SLC4A4: variants seen among roughly 807,000 people sequenced by gnomAD.
SLC4A4 encodes electrogenic sodium bicarbonate cotransporter 1.
A neutral mutation model predicts 111.5 loss-of-function variants in SLC4A4; 27 were observed. That is an observed-to-expected ratio of 0.24 (90% CI 0.18 to 0.33). The LOEUF is 0.33. SLC4A4 is among the 10% of genes least tolerant of loss of function. The pLI is 1.00. For synonymous variants in SLC4A4, 443 were observed against 463.4 expected, an observed-to-expected ratio of 0.96 and a Z score of 0.57; for missense variants, 909 against 1,315.5, an observed-to-expected ratio of 0.69 and a Z score of 4.78.
chr4:71,306,026 T>C (rs1227567100), intron 3 of SLC4A4, among the ~76,000 whole-genome samples: 3 of 152,218 alleles, frequency 2.0e-5, no homozygotes, highest in Admixed American at 2.0e-4. Flanking sequence ...CAGTAGTGAA[T>C]TGGATACTGA....
intron 4 of SLC4A4, among the ~76,000 whole-genome samples, chr4:71,340,053 CAA>C (rs752438072): frequency 8.2e-6 from 1 of 121,706 alleles, no homozygotes; most frequent in African/African-American, 3.1e-5. Flanking sequence ...CCCATCTCTA[CAA>C]AAAAAAAAAG....
chr4:71,468,739 A>G (rs1227570877), intron 13 of SLC4A4, among the ~76,000 whole-genome samples: 2 of 151,438 alleles, frequency 1.3e-5, no homozygotes, highest in South Asian at 2.1e-4. Context: ...CTCCATGAAA[A>G]AAAAAAACCT....
chr4:71,208,444 AT>A (rs1292007612), intron 1 of SLC4A4, among the ~76,000 whole-genome samples: 17 of 117,070 alleles, frequency 1.5e-4, no homozygotes, highest in East Asian at 5.3e-4. Flanking sequence ...AAAAAAAAAA[AT>A]ATATATATAT....
At chr4:71,120,885 C>T (rs1376739300) in intron 2 of SLC4A4, among the ~76,000 whole-genome samples, 5 of 152,182 alleles carry the variant, frequency 3.3e-5, no homozygotes, top group African/African-American at 4.8e-5. Flanking sequence ...CTGGGCTGGT[C>T]GAGGCCGGAG....
At chr4:71,216,485 C>G (rs1031015964) in intron 1 of SLC4A4, among the ~76,000 whole-genome samples, 19 of 152,130 alleles carry the variant, frequency 1.2e-4, no homozygotes, top group African/African-American at 2.4e-5. Context: ...CCCAGTTAGT[C>G]CTCTGACTAT....
At position 71,080,166 on chromosome 4, in the gene SLC4A4, T is replaced by C. The variant is rs143195201; in HGVS notation, c.-64-12564T>C. 8.5e-5 allele frequency among the ~76,000 whole-genome samples: 13 copies of C among 152,240 alleles called. No individual in the cohort carries two copies. In the East Asian group the frequency reaches 2.5e-3, roughly 29 times the overall value. ...TTACCTTGACAGCAGGAGTGCAGCA[T>C]GCAAGCATCTCTCCTGGTCCCCATG... On this transcript the variant is annotated intron_variant, in intron 1 of 26. Coordinates refer to the SLC4A4 transcript ENST00000649996.
At chr4:71,340,713 C>T (rs1213687463) in intron 4 of SLC4A4, among the ~76,000 whole-genome samples, 1 of 151,944 alleles carries the variant, frequency 6.6e-6, no homozygotes, top group Non-Finnish European at 1.5e-5. Context: ...ACAAGACACT[C>T]GATTTCCTAG....
chr4:71,282,444 C>G (rs1453944540), intron 3 of SLC4A4, among the ~76,000 whole-genome samples: 1 of 151,614 alleles, frequency 6.6e-6, no homozygotes, highest in East Asian at 1.9e-4. Context: ...CTCCACCATG[C>G]CCGGCTAATT....
intron 16 of SLC4A4, among the ~76,000 whole-genome samples, chr4:71,523,579 G>A (rs1733152052): frequency 6.6e-6 from 1 of 152,092 alleles, no homozygotes; most frequent in Admixed American, 6.6e-5. Flanking sequence ...TCTGTGGATA[G>A]AAGTAATAAC....
intron 14 of SLC4A4, among the ~76,000 whole-genome samples, chr4:71,482,743 A>C (rs144897801): frequency 1.3e-5 from 2 of 151,634 alleles, no homozygotes; most frequent in African/African-American, 4.8e-5. Context: ...CAGATCAGAC[A>C]TTTCAGATCA....
intron 2 of SLC4A4, among the ~76,000 whole-genome samples, chr4:71,116,205 C>T (rs1220203211): frequency 1.3e-5 from 2 of 152,146 alleles, no homozygotes; most frequent in African/African-American, 4.8e-5. Context: ...ATTCAACATA[C>T]ATTCTATTAA....
intron 2 of SLC4A4, among the ~76,000 whole-genome samples, chr4:71,107,505 C>G (rs145464389): frequency 1.3e-5 from 2 of 151,904 alleles, no homozygotes; most frequent in African/African-American, 2.4e-5. Flanking sequence ...TGCCACCATG[C>G]CCGGCTAATT....
chr4:71,517,625 G>A (rs1732529837), intron 16 of SLC4A4, among the ~76,000 whole-genome samples: 1 of 152,114 alleles, frequency 6.6e-6, no homozygotes, highest in Non-Finnish European at 1.5e-5. Context: ...TTTGAGGGAT[G>A]ATTACTGGGG....
intron 3 of SLC4A4, among the ~76,000 whole-genome samples, chr4:71,337,404 T>C (rs1292922381): frequency 1.3e-5 from 2 of 152,194 alleles, no homozygotes; most frequent in Non-Finnish European, 2.9e-5. Flanking sequence ...ATGGTATACA[T>C]GTCAAAAAAG....
intron 3 of SLC4A4, among the ~76,000 whole-genome samples, chr4:71,320,208 A>T (rs1727010768): frequency 6.6e-6 from 1 of 152,010 alleles, no homozygotes; most frequent in Non-Finnish European, 1.5e-5. Flanking sequence ...AGGTATTCAT[A>T]TTTAATATCT....
intron 16 of SLC4A4, among the ~76,000 whole-genome samples, chr4:71,501,628 T>A (rs1359641938): frequency 6.6e-6 from 1 of 151,164 alleles, no homozygotes; most frequent in Non-Finnish European, 1.5e-5. Context: ...TTATTTATTT[T>A]TATTTTTAAT....
intron 2 of SLC4A4, among the ~76,000 whole-genome samples, chr4:71,116,185 C>T (rs553703425): frequency 4.6e-5 from 7 of 152,318 alleles, no homozygotes; most frequent in South Asian, 2.1e-4. Flanking sequence ...TGGGCCACTG[C>T]GCCCGGCCTA....
At chr4:71,186,130 T>C (rs1018896865), upstream of SLC4A4, among the ~76,000 whole-genome samples, 2 of 152,220 alleles carry the variant, frequency 1.3e-5, no homozygotes, top group African/African-American at 4.8e-5. Flanking sequence ...ATCACTGATA[T>C]ATTATTTGCT....
At chr4:71,175,636 C>T (rs1483408304) in intron 2 of SLC4A4, among the ~76,000 whole-genome samples, 8 of 152,282 alleles carry the variant, frequency 5.3e-5, no homozygotes, top group South Asian at 2.1e-4. Flanking sequence ...GGGGGAGGGG[C>T]GTCTGCCATT....
Sources: gnomAD v4.1 joint callset for allele counts (sites outside exome capture counted in the v4.1 genomes callset) on GRCh38, gnomAD v4.1.1 for gene constraint, MANE v1.5 for transcripts, NCBI Gene and HGNC (gene_info 2026-07-23, HGNC 2026-07-21) for gene names.